TBC1D4: variants seen among roughly 807,000 people sequenced by gnomAD.
TBC1D4 encodes the protein TBC1 domain family member 4.
In TBC1D4, 121 loss-of-function variants were observed where a neutral mutation model predicts 142.5. The observed-to-expected ratio is 0.85, with a 90% CI of 0.73 to 0.99. TBC1D4 has a LOEUF of 0.99. Ranked by LOEUF, TBC1D4 falls within the 50% of genes least tolerant of loss-of-function variation. TBC1D4 has a pLI of 0.00. For synonymous variants in TBC1D4, 630 were observed against 628.2 expected (o/e 1.00, Z -0.04); for missense variants, 1,475 against 1,606.6 (o/e 0.92, Z 1.40).
At chr13:75,400,054 A>G (rs1357022124) in intron 1 of TBC1D4, among the ~76,000 whole-genome samples, 2 of 152,212 alleles carry the variant, frequency 1.3e-5, no homozygotes, top group Non-Finnish European at 2.9e-5. Flanking sequence ...TGCAGACACT[A>G]TGTGGAGTAC....
At chr13:75,458,449 C>A (rs1009565603) in intron 1 of TBC1D4, among the ~76,000 whole-genome samples, 2 of 152,164 alleles carry the variant, frequency 1.3e-5, no homozygotes, top group South Asian at 2.1e-4. Flanking sequence ...ATGTGGCAAG[C>A]CACAGTGGCC....
chr13:75,326,416 G>T lies in TBC1D4; in HGVS notation c.1814C>A (p.Ser605Ter), dbSNP rs202243614. ...SNSLASEKDY[S>*]PGDSPPGTPP... Reference sequence around the variant, plus strand: ...TGTCCCTGGTGGAGAATCCCCTGGTGAGTAGTCCTGAAACACAAGCGGAAG... The same window carrying T: ...TGTCCCTGGTGGAGAATCCCCTGGTTAGTAGTCCTGAAACACAAGCGGAAG... Residue 605 changes from serine to a stop codon, truncating the protein, a stop_gained, in exon 10 of 21, where the codon TCA becomes TAA. Transcript: ENST00000377636. LOFTEE classifies it high-confidence loss of function. The T allele has an allele frequency of 3.1e-6, 5 of 1,614,154 alleles. No individual in the cohort carries two copies. Among genetic ancestry groups the T allele is most frequent in the Non-Finnish European group, 4.2e-6 (5 of 1,180,030 alleles).
chr13:75,446,288 G>A (rs1318585567), intron 1 of TBC1D4, among the ~76,000 whole-genome samples: 1 of 152,190 alleles, frequency 6.6e-6, no homozygotes, highest in Admixed American at 6.5e-5. Context: ...AGACGATTCC[G>A]TAGCTTTTAG....
intron 1 of TBC1D4, among the ~76,000 whole-genome samples, chr13:75,478,327 G>A (rs562178468): frequency 6.6e-5 from 10 of 152,102 alleles, no homozygotes; most frequent in East Asian, 1.9e-4. Flanking sequence ...TGCCCCTTTT[G>A]ACAATAAAAT....
At chr13:75,326,484 AAC>A (rs1879278027) in intron 9 of TBC1D4, 61 bp from the exon 10 acceptor site, 3 of 1,551,386 alleles carry the variant, frequency 1.9e-6, no homozygotes, top group Non-Finnish European at 2.7e-6. Context: ...GACCTGCCAA[AAC>A]ACAGAGCTCA....
At chr13:75,365,079 C>T (rs1882825783) in intron 1 of TBC1D4, among the ~76,000 whole-genome samples, 1 of 152,158 alleles carries the variant, frequency 6.6e-6, no homozygotes. Context: ...TCCCAGGATC[C>T]TTCCCTGTGA....
intron 20 of TBC1D4, 61 bp from the exon 21 acceptor site, chr13:75,287,086 T>C (rs1019369628): frequency 7.3e-7 from 1 of 1,369,076 alleles, no homozygotes; most frequent in Non-Finnish European, 1.0e-6. Context: ...AGACAGTCCT[T>C]ACACATATTA....
At chr13:75,417,829 T>C (rs1007700619) in intron 1 of TBC1D4, among the ~76,000 whole-genome samples, 1 of 152,228 alleles carries the variant, frequency 6.6e-6, no homozygotes, top group Non-Finnish European at 1.5e-5. Context: ...ACTCTACTGA[T>C]GAACAGATAA....
intron 13 of TBC1D4, 59 bp from the exon 14 acceptor site, chr13:75,310,210 T>TA (rs1428660735): frequency 7.9e-6 from 12 of 1,512,320 alleles, no homozygotes; most frequent in Non-Finnish European, 1.1e-5. Context: ...TACCCAAGTT[T>TA]CTGTAGAATT....
intron 1 of TBC1D4, among the ~76,000 whole-genome samples, chr13:75,420,097 G>A (rs2138115494): frequency 6.6e-6 from 1 of 152,280 alleles, no homozygotes; most frequent in Admixed American, 6.5e-5. Flanking sequence ...TTTTGGCAGA[G>A]ACAGAATAGG....
chr13:75,384,611 T>C (rs1208782499), intron 1 of TBC1D4, among the ~76,000 whole-genome samples: 3 of 139,908 alleles, frequency 2.1e-5, no homozygotes, highest in African/African-American at 8.0e-5. Flanking sequence ...CACCGCAAAA[T>C]ACAGGAATAT....
chr13:75,471,772 C>G (rs936682241), intron 1 of TBC1D4, among the ~76,000 whole-genome samples: 7 of 150,928 alleles, frequency 4.6e-5, no homozygotes, highest in Non-Finnish European at 8.8e-5. Flanking sequence ...AGACAAAGAT[C>G]TGCCTATTGA....
At chr13:75,354,562 AT>A (rs912232217) in intron 4 of TBC1D4, among the ~76,000 whole-genome samples, 1 of 152,220 alleles carries the variant, frequency 6.6e-6, no homozygotes, top group Non-Finnish European at 1.5e-5. Flanking sequence ...TGCTTCCAAA[AT>A]AAAACATATG....
At position 75,292,176 on chromosome 13, in the gene TBC1D4, C is replaced by T; in HGVS notation, c.3412G>A (p.Glu1138Lys). 2 of 1,613,410 alleles carry T rather than the reference C, an allele frequency of 1.2e-6. No individual in the cohort carries two copies. The highest frequency in any genetic ancestry group is 1.7e-6 in the Non-Finnish European group (2 of 1,179,654). ...ETLIMECESFENIVEFLKNTL... is the reference protein window; with the variant it reads ...ETLIMECESFKNIVEFLKNTL... ...TTTTTAAGAAACTCAACAATATTTT[C>T]AAAGCTCTCACATTCCATTATAAGT... The change falls in exon 19 of 21, where the codon GAA becomes AAA. Residue 1138 changes from glutamate to lysine, a missense_variant. By Grantham distance (56) the Glu-to-Lys change is moderately conservative. Transcript: ENST00000377636.
intron 1 of TBC1D4, among the ~76,000 whole-genome samples, chr13:75,440,739 C>CT (rs575270198): frequency 0.16 from 22,835 of 139,448 alleles, 2,640 homozygotes; most frequent in African/African-American, 0.33. Flanking sequence ...TTATTTGTTT[C>CT]TTTTTTTTTT....
chr13:75,302,450 T>C (rs1876676754), intron 15 of TBC1D4, 49 bp from the exon 16 acceptor site: 2 of 1,609,922 alleles, frequency 1.2e-6, no homozygotes, highest in Non-Finnish European at 1.7e-6. Context: ...TGGAATGAAG[T>C]TGATAGATCC....
At chr13:75,467,687 G>A (rs1888222149) in intron 1 of TBC1D4, among the ~76,000 whole-genome samples, 1 of 152,180 alleles carries the variant, frequency 6.6e-6, no homozygotes, top group African/African-American at 2.4e-5. Context: ...CTTTCCTTGT[G>A]TAGTTTTTTC....
intron 1 of TBC1D4, among the ~76,000 whole-genome samples, chr13:75,473,743 G>A (rs1327124281): frequency 6.6e-6 from 1 of 152,184 alleles, no homozygotes; most frequent in Non-Finnish European, 1.5e-5. Flanking sequence ...CTTCTGCTGA[G>A]ACTGCACAAA....
In TBC1D4 at chr13:75,324,393, G is replaced by T; in HGVS notation, c.2042C>A (p.Ser681Ter). Residue 681 changes from serine (S) to a stop codon, truncating the protein, a stop_gained, in exon 11 of 21, where the codon TCG becomes TAG. Coordinates refer to ENST00000377636, the MANE Select transcript of TBC1D4 (RefSeq NM_014832.5). LOFTEE classifies it high-confidence loss of function. ...QSSSEQCSNL[S>*]SVRRMYKESN... ...CTCCTTGTACATGCGTCGAACTGACGAAAGATTGCTGAGTACAGAAAATAC... is the reference window on the plus strand; with the variant it reads ...CTCCTTGTACATGCGTCGAACTGACTAAAGATTGCTGAGTACAGAAAATAC... 3.7e-6 allele frequency: 6 copies of T among 1,613,876 alleles called. No individual in the cohort carries two copies. Among genetic ancestry groups the T allele is most frequent in the Non-Finnish European group, 5.1e-6 (6 of 1,179,838 alleles).
Sources: gnomAD v4.1 joint callset for allele counts (sites outside exome capture counted in the v4.1 genomes callset) on GRCh38, gnomAD v4.1.1 for gene constraint, MANE v1.5 for transcripts, NCBI Gene and HGNC (gene_info 2026-07-23, HGNC 2026-07-21) for gene names.